Variants in INPP4B observed in about 807,000 individuals in gnomAD.
The protein encoded by INPP4B is inositol polyphosphate 4-phosphatase type II.
In INPP4B, 55 loss-of-function variants were observed where a neutral mutation model predicts 122.5. That is an observed-to-expected ratio of 0.45 (90% CI 0.36 to 0.56). The LOEUF is 0.56. INPP4B is among the 20% of genes least tolerant of loss of function. The pLI is 0.00. For missense variants in INPP4B, 1,000 were observed against 1,097.7 expected (o/e 0.91, Z 1.26); for synonymous variants, 403 against 388.7 (o/e 1.04, Z -0.43).
intron 7 of INPP4B, among the ~76,000 whole-genome samples, chr4:142,344,677 T>C (rs1779757322): frequency 6.6e-6 from 1 of 151,876 alleles, no homozygotes; most frequent in Non-Finnish European, 1.5e-5. Flanking sequence ...GAAGAACACA[T>C]GGGCAAATAG....
At chr4:142,672,608 TTTC>T (rs1757168849) in intron 2 of INPP4B, among the ~76,000 whole-genome samples, 1 of 152,162 alleles carries the variant, frequency 6.6e-6, no homozygotes, top group Non-Finnish European at 1.5e-5. Context: ...GTTATTTTGT[TTTC>T]TTATTTAATT....
chr4:142,650,601 A>G (rs923601175), intron 2 of INPP4B, among the ~76,000 whole-genome samples: 1 of 151,856 alleles, frequency 6.6e-6, no homozygotes, highest in Non-Finnish European at 1.5e-5. Context: ...CTTGAAACCA[A>G]CAAAGATCAA....
intron 2 of INPP4B, among the ~76,000 whole-genome samples, chr4:142,683,674 A>G (rs2150692923): frequency 6.6e-6 from 1 of 151,866 alleles, no homozygotes; most frequent in Middle Eastern, 3.4e-3. Context: ...GAATGAAGCC[A>G]GACAATGCCT....
intron 9 of INPP4B, among the ~76,000 whole-genome samples, chr4:142,286,445 T>G (rs1753735613): frequency 6.6e-6 from 1 of 152,228 alleles, no homozygotes; most frequent in Non-Finnish European, 1.5e-5. Flanking sequence ...AATTAAAATT[T>G]CCAATTCCAG....
At chr4:142,482,309 T>A (rs537853665) in intron 2 of INPP4B, among the ~76,000 whole-genome samples, 1 of 152,292 alleles carries the variant, frequency 6.6e-6, no homozygotes, top group East Asian at 1.9e-4. Context: ...AACAGTGAAC[T>A]CTGCTCCACA....
At chr4:142,437,361 C>T (rs372033145) in intron 3 of INPP4B, among the ~76,000 whole-genome samples, 1 of 151,962 alleles carries the variant, frequency 6.6e-6, no homozygotes, top group African/African-American at 2.4e-5. Flanking sequence ...GAAAACTTCC[C>T]CAACCTAGAA....
chr4:142,749,906 C>A (rs1159090012), intron 1 of INPP4B, among the ~76,000 whole-genome samples: 1 of 151,626 alleles, frequency 6.6e-6, no homozygotes, highest in Non-Finnish European at 1.5e-5. Context: ...CAAATCAGAG[C>A]CACACAATAA....
At chr4:142,610,971 C>CA (rs1742367645) in intron 2 of INPP4B, among the ~76,000 whole-genome samples, 1 of 152,126 alleles carries the variant, frequency 6.6e-6, no homozygotes, top group Non-Finnish European at 1.5e-5. Context: ...TGCACTGCTA[C>CA]AAAAACATAC....
intron 2 of INPP4B, among the ~76,000 whole-genome samples, chr4:142,704,540 G>C (rs964276909): frequency 2.0e-5 from 3 of 151,994 alleles, no homozygotes; most frequent in Non-Finnish European, 1.5e-5. Flanking sequence ...ACATTCACAG[G>C]CTTCTACACA....
chr4:142,131,046 T>C (rs1438464045), intron 18 of INPP4B, among the ~76,000 whole-genome samples: 1 of 152,208 alleles, frequency 6.6e-6, no homozygotes, highest in East Asian at 1.9e-4. Context: ...AAACAAGCCT[T>C]GTATTTGTTG....
At chr4:142,125,373 C>T (rs1046949654) in intron 18 of INPP4B, among the ~76,000 whole-genome samples, 1 of 151,582 alleles carries the variant, frequency 6.6e-6, no homozygotes, top group Non-Finnish European at 1.5e-5. Flanking sequence ...AAAAAAAACA[C>T]TAAAGCATTC....
chr4:142,272,599 C>T (rs1746404318), intron 9 of INPP4B, among the ~76,000 whole-genome samples: 1 of 151,866 alleles, frequency 6.6e-6, no homozygotes, highest in African/African-American at 2.4e-5. Context: ...GTGAAGAAAA[C>T]TATATTAACT....
At chr4:142,442,892 C>T (rs1464932577) in intron 3 of INPP4B, among the ~76,000 whole-genome samples, 1 of 151,980 alleles carries the variant, frequency 6.6e-6, no homozygotes. Context: ...TGGTGGAAGG[C>T]AAAGAAGAAA....
chr4:142,143,328 T>C (rs1015112438), intron 18 of INPP4B, among the ~76,000 whole-genome samples: 10 of 132,640 alleles, frequency 7.5e-5, no homozygotes, highest in African/African-American at 2.9e-4. Context: ...CCTCTCCCTT[T>C]CCCCTAAAAT....
intron 6 of INPP4B, 85 bp downstream of exon 6, chr4:142,405,121 G>A (rs1168748488): frequency 2.0e-5 from 14 of 704,018 alleles, no homozygotes; most frequent in South Asian, 1.1e-4. Flanking sequence ...GCGGGGGTGG[G>A]GGGGAGGGAG....
In INPP4B at chr4:142,035,124, G is replaced by T. The variant is rs563668211; in HGVS notation, c.2643-6210C>A. ...CCTGGCACAGGAGGATTTGTCTGAG[G>T]CTCACATCAGCACGAGGAGGCAGGC... On this transcript the variant is annotated intron_variant, in intron 25 of 25. Coordinates refer to ENST00000262992, the MANE Select transcript of INPP4B (RefSeq NM_001101669.3). Among the ~76,000 whole-genome samples the T allele has an allele frequency of 2.0e-3, 306 of 152,256 alleles. 2 individuals are homozygous for T. Among genetic ancestry groups the T allele is most frequent in the African/African-American group, 7.0e-3 (290 of 41,544 alleles).
At chr4:142,564,451 A>G (rs1396176923) in intron 2 of INPP4B, among the ~76,000 whole-genome samples, 1 of 131,686 alleles carries the variant, frequency 7.6e-6, no homozygotes, top group African/African-American at 2.8e-5. Context: ...AAAAAAAAAA[A>G]AAAGAAAGAA....
chr4:142,120,047 TTC>T lies in INPP4B; in HGVS notation c.2135+2079_2135+2080del, dbSNP rs1268982395. ...CTAATTTTTGTGTATGTGTAAATTC[TTC>T]TCTTTCCATATAGATAAACCAATTG... On this transcript the variant is annotated intron_variant, in intron 21 of 25. Transcript: ENST00000262992. Among the ~76,000 whole-genome samples the T allele has an allele frequency of 2.6e-5, 4 of 151,966 alleles. No individual in the cohort carries two copies. The East Asian group carries it at 7.7e-4, about 29-fold the overall frequency.
chr4:142,816,846 G>A (rs1429072226), intron 1 of INPP4B, among the ~76,000 whole-genome samples: 1 of 151,990 alleles, frequency 6.6e-6, no homozygotes, highest in Non-Finnish European at 1.5e-5. Flanking sequence ...TAGATATTGG[G>A]AAACAAATAA....
Sources: gnomAD v4.1 joint callset for allele counts (sites outside exome capture counted in the v4.1 genomes callset) on GRCh38, gnomAD v4.1.1 for gene constraint, MANE v1.5 for transcripts, NCBI Gene and HGNC (gene_info 2026-07-23, HGNC 2026-07-21) for gene names.